Variants in SLC9B1 observed in about 807,000 individuals in gnomAD.
SLC9B1 encodes sodium/hydrogen exchanger 9B1.
SLC9B1 carries 32 observed loss-of-function variants against 51.7 expected under a neutral mutation model. The ratio of observed to expected loss-of-function variants is 0.62; its 90% CI spans 0.47 to 0.83. The LOEUF (loss-of-function observed/expected upper bound fraction) is 0.83. SLC9B1 is among the 40% of genes least tolerant of loss of function. SLC9B1 has a pLI of 0.00. For synonymous variants in SLC9B1, 145 were observed against 212.7 expected (o/e 0.68, Z 2.77); for missense variants, 406 against 613.2 (o/e 0.66, Z 3.57).
intron 3 of SLC9B1, among the ~76,000 whole-genome samples, chr4:102,976,270 C>G (rs1215787926): frequency 6.6e-6 from 1 of 150,732 alleles, no homozygotes; most frequent in Admixed American, 6.6e-5. Flanking sequence ...ATAACATTTA[C>G]TAGCCTACGT....
intron 3 of SLC9B1, among the ~76,000 whole-genome samples, chr4:102,978,976 A>G (rs972725661): frequency 6.6e-6 from 1 of 152,196 alleles, no homozygotes; most frequent in Non-Finnish European, 1.5e-5. Context: ...ACTCATTATT[A>G]AAAGCTTTTT....
intron 3 of SLC9B1, among the ~76,000 whole-genome samples, chr4:102,955,172 G>GT (rs1737721605): frequency 6.6e-6 from 1 of 152,066 alleles, no homozygotes; most frequent in African/African-American, 2.4e-5. Flanking sequence ...CATGGGGGTG[G>GT]TTCCCCCCAT....
At chr4:102,897,758 G>C (rs754384920), downstream of SLC9B1, 1 of 480,992 alleles carries the variant, frequency 2.1e-6, no homozygotes, top group Non-Finnish European at 4.1e-6. Context: ...CAGCTTCCAC[G>C]AGTCATGTCA....
At chr4:102,997,467 T>G (rs1298600108) in intron 1 of SLC9B1, among the ~76,000 whole-genome samples, 2 of 152,210 alleles carry the variant, frequency 1.3e-5, no homozygotes, top group Non-Finnish European at 2.9e-5. Flanking sequence ...AATTCATTAT[T>G]TGTTTCTTGC....
chr4:103,002,582 A>G (rs1226613870), intron 1 of SLC9B1, among the ~76,000 whole-genome samples: 1 of 152,252 alleles, frequency 6.6e-6, no homozygotes. Context: ...GGAAGTAAAA[A>G]AGAGTCTTAA....
intron 1 of SLC9B1, among the ~76,000 whole-genome samples, chr4:103,001,531 T>C (rs1740523055): frequency 6.6e-6 from 1 of 152,166 alleles, no homozygotes; most frequent in Non-Finnish European, 1.5e-5. Context: ...ATGCCAGCAG[T>C]CTCTTTGCTA....
intron 5 of SLC9B1, among the ~76,000 whole-genome samples, chr4:102,946,291 GT>G (rs1357565874): frequency 1.3e-5 from 2 of 151,890 alleles, no homozygotes; most frequent in Non-Finnish European, 2.9e-5. Context: ...TTTTTCTTCT[GT>G]TTTTTTCTTC....
chr4:102,918,825 C>T (rs1735717347), intron 7 of SLC9B1, among the ~76,000 whole-genome samples: 1 of 152,304 alleles, frequency 6.6e-6, no homozygotes, highest in African/African-American at 2.4e-5. Context: ...TCATAAATTA[C>T]CAGCCTAAGG....
chr4:102,948,280 T>G (rs1414576749), intron 4 of SLC9B1, among the ~76,000 whole-genome samples: 1 of 148,926 alleles, frequency 6.7e-6, no homozygotes, highest in African/African-American at 2.5e-5. Flanking sequence ...CCTAACACAT[T>G]CCATGAATCT....
intron 3 of SLC9B1, among the ~76,000 whole-genome samples, chr4:102,954,722 A>G (rs1216131098): frequency 6.6e-6 from 1 of 152,152 alleles, no homozygotes; most frequent in Non-Finnish European, 1.5e-5. Flanking sequence ...CTACTGAAAG[A>G]TATGCTTTAG....
At chr4:102,935,049 T>A (rs552666767) in intron 6 of SLC9B1, among the ~76,000 whole-genome samples, 1 of 152,088 alleles carries the variant, frequency 6.6e-6, no homozygotes, top group East Asian at 1.9e-4. Flanking sequence ...AATACACTTC[T>A]TAGAGAGAAA....
At chr4:102,927,249 T>C (rs894432945) in intron 7 of SLC9B1, among the ~76,000 whole-genome samples, 1 of 152,062 alleles carries the variant, frequency 6.6e-6, no homozygotes, top group African/African-American at 2.4e-5. Flanking sequence ...AATTGAGAAA[T>C]GGAATCTAAC....
intron 3 of SLC9B1, chr4:102,962,635 T>G: frequency 2.1e-6 from 1 of 472,670 alleles, no homozygotes; most frequent in Non-Finnish European, 4.4e-6. Flanking sequence ...TAGAAGGTTA[T>G]GTAATTGGGA....
intron 7 of SLC9B1, chr4:102,912,092 C>T (rs1287949404): frequency 1.1e-5 from 2 of 189,972 alleles, no homozygotes; most frequent in Non-Finnish European, 2.3e-5. Context: ...GAGATCGTGA[C>T]ACCACACTCC....
At chr4:102,969,956 C>A (rs567462937) in intron 3 of SLC9B1, among the ~76,000 whole-genome samples, 1 of 151,564 alleles carries the variant, frequency 6.6e-6, no homozygotes, top group Non-Finnish European at 1.5e-5. Context: ...TAAAAAAAAA[C>A]GAACAAAGCC....
At chr4:102,971,394 T>C (rs1360268214) in intron 3 of SLC9B1, among the ~76,000 whole-genome samples, 1 of 151,894 alleles carries the variant, frequency 6.6e-6, no homozygotes, top group East Asian at 1.9e-4. Context: ...GACTATTGGG[T>C]AAATAATGAA....
chr4:102,947,898 C>T (rs547152914), intron 4 of SLC9B1, among the ~76,000 whole-genome samples: 1 of 148,176 alleles, frequency 6.7e-6, no homozygotes, highest in African/African-American at 2.5e-5. Flanking sequence ...GTGAGCTCTA[C>T]ATACACTTTA....
At chr4:102,898,498 A>G (rs186371201), downstream of SLC9B1, among the ~76,000 whole-genome samples, 2 of 152,366 alleles carry the variant, frequency 1.3e-5, no homozygotes, top group African/African-American at 2.4e-5. Context: ...AGACTCTGTG[A>G]TAAATAATTT....
At chr4:102,976,410 T>A (rs1422970313) in intron 3 of SLC9B1, among the ~76,000 whole-genome samples, 6 of 152,256 alleles carry the variant, frequency 3.9e-5, no homozygotes, top group Admixed American at 1.3e-4. Flanking sequence ...ATAGTTTTCA[T>A]GACATCTCAT....
Sources: gnomAD v4.1 joint callset for allele counts (sites outside exome capture counted in the v4.1 genomes callset) on GRCh38, gnomAD v4.1.1 for gene constraint, MANE v1.5 for transcripts, NCBI Gene and HGNC (gene_info 2026-07-23, HGNC 2026-07-21) for gene names.